The following TUBB2A variants were observed in gnomAD, a reference collection of about 807,000 sequenced individuals.
TUBB2A encodes the protein tubulin beta 2A class IIa.
Under a neutral mutation model 33.9 loss-of-function variants are expected in TUBB2A, and 7 were observed. The observed-to-expected ratio is 0.21, with a 90% confidence interval of 0.12 to 0.39. The LOEUF is 0.39. Among genes scored for constraint, TUBB2A ranks in the 10% least tolerant of loss-of-function variants. The probability of loss-of-function intolerance (pLI) is 1.00; values close to 1 mark genes in which losing one functional copy is unlikely to be tolerated. For synonymous variants in TUBB2A, 187 were observed against 247.6 expected (o/e 0.76, Z 2.30); for missense variants, 80 against 593.4 (o/e 0.13, Z 8.99).
chr6:3,154,230 T>C lies in TUBB2A; in HGVS notation c.971A>G (p.Lys324Arg). The change falls in exon 4 of 4, where the codon AAG becomes AGG. Residue 324 changes from lysine to arginine, a missense_variant. Coordinates refer to ENST00000333628, the MANE Select transcript of TUBB2A (RefSeq NM_001069.3). Reference protein sequence around the residue: ...AAIFRGRMSMKEVDEQMLNVQ... With the variant: ...AAIFRGRMSMREVDEQMLNVQ... ...GTTGAGCATCTGCTCGTCCACCTCC[T>C]TCATGGACATGCGGCCCCGGAAGAT... The C allele has an allele frequency of 1.4e-6, 1 of 724,424 alleles. No individual in the cohort carries two copies. The allele number at this position is 724,424 out of a possible 1,614,324, so 44.9% of individuals were successfully genotyped here.
Position 3,155,569 on chromosome 6 carries a change from G to A in TUBB2A, c.277+56C>T. On this transcript the variant is annotated intron_variant, in intron 3 of 3. Coordinates refer to ENST00000333628, the MANE Select transcript of TUBB2A (RefSeq NM_001069.3). This position sits in a 1 kb window ranked among gnomAD's most constrained non-coding sequence, Gnocchi z 4.2. ...AACACTAAGAACTGTGCTTTGCAGGGCTGTTAGGAAGAAGGTGTGTCATTT... is the reference window on the plus strand; with the variant it reads ...AACACTAAGAACTGTGCTTTGCAGGACTGTTAGGAAGAAGGTGTGTCATTT... 3.6e-6 allele frequency: 5 copies of A among 1,372,588 alleles called. No individual in the cohort carries two copies. The highest frequency in any genetic ancestry group is 1.2e-5 in the South Asian group (1 of 81,358). The allele number at this position is 1,372,588 out of a possible 1,614,324, so 85.0% of individuals were successfully genotyped here.
rs1329434515 is a variant in TUBB2A, at chr6:3,154,305, A to G, written c.896T>C (p.Met299Thr). Reference sequence around the variant, plus strand: ...GTGGCGCGGGTCGCAGGCGGCCATCATGTTCTTGGAGTCGAACATCTGCTG... The same window carrying G: ...GTGGCGCGGGTCGCAGGCGGCCATCGTGTTCTTGGAGTCGAACATCTGCTG... ...LTQQMFDSKN[M>T]MAACDPRHGR... is the part of the protein sequence containing the mutation. The change falls in exon 4 of 4, where the codon ATG becomes ACG. Residue 299 changes from methionine to threonine, a missense_variant. This residue lies in a region of TUBB2A where 25 missense variants were observed against 350.5 expected (regional missense o/e 0.07). Transcript: ENST00000333628. 1.1e-6 allele frequency: 1 copy of G among 920,428 alleles called. No homozygotes were observed. The allele number at this position is 920,428 out of a possible 1,614,324, so 57.0% of individuals were successfully genotyped here.
At chr6:3,156,192 G>T (rs1158666511) in intron 1 of TUBB2A, 40 bp from the exon 2 acceptor site, 18 of 1,613,352 alleles carry the variant, frequency 1.1e-5, no homozygotes, top group Non-Finnish European at 1.5e-5. Flanking sequence ...TCTGCATCCT[G>T]AATGTCACTA....
intron 1 of TUBB2A, 139 bp downstream of exon 1, chr6:3,157,268 T>A (rs952539361): frequency 5.8e-6 from 6 of 1,038,236 alleles, no homozygotes; most frequent in Non-Finnish European, 7.3e-6. Context: ...TCATGCAGCC[T>A]CCCGGACCCC....
chr6:3,157,167 C>T (rs769834769), intron 1 of TUBB2A, among the ~76,000 whole-genome samples: 13 of 152,260 alleles, frequency 8.5e-5, no homozygotes, highest in Non-Finnish European at 1.2e-4. Context: ...GAATGCCAAC[C>T]GCGTCCCGCA....
chr6:3,157,095 A>C (rs1762649809), intron 1 of TUBB2A, among the ~76,000 whole-genome samples: 1 of 152,254 alleles, frequency 6.6e-6, no homozygotes, highest in Non-Finnish European at 1.5e-5. Context: ...ATTCACATGA[A>C]GCTAGCGCAA....
rs1762586276 is a variant in TUBB2A at position 3,153,799 on chromosome 6, T to C, written c.*64A>G. ...AAAACTGAGCACCATAGTTTACAAG[T>C]AGAAAGACCATGCTTGAGGACAACA... is the stretch of plus-strand genomic sequence containing the variant. On this transcript the variant is annotated 3_prime_UTR_variant, in exon 4 of 4. Transcript: ENST00000333628. The C allele has an allele frequency of 6.2e-7, 1 of 1,602,104 alleles. No homozygotes were observed. The highest frequency in any genetic ancestry group is 8.5e-7 in the Non-Finnish European group (1 of 1,171,656).
chr6:3,156,243 C>T (rs1278985780), intron 1 of TUBB2A, 91 bp from the exon 2 acceptor site: 1 of 1,381,824 alleles, frequency 7.2e-7, no homozygotes, highest in African/African-American at 1.4e-5. Flanking sequence ...GGAACAGGGG[C>T]TTTTGTGGTC....
chr6:3,153,927 T>C lies in TUBB2A; in HGVS notation c.1274A>G (p.Tyr425Cys). 6.3e-7 allele frequency: 1 copy of C among 1,578,688 alleles called. No homozygotes were observed. The highest frequency in any genetic ancestry group is 2.2e-5 in the East Asian group (1 of 44,772). ...TTGTTCGTCGGCCGTGGCGTCCTGG[T>C]ACTGCTGGTACTCGGACACCAGGTC... is the stretch of plus-strand genomic sequence containing the variant. ...MNDLVSEYQQ[Y>C]QDATADEQGE... The change falls in exon 4 of 4, where the codon TAC becomes TGC. Residue 425 changes from tyrosine to cysteine, a missense_variant. Tyr to Cys is a radical substitution (Grantham distance 194, BLOSUM62 -2). Coordinates refer to ENST00000333628, the MANE Select transcript of TUBB2A (RefSeq NM_001069.3).
Position 3,153,872 on chromosome 6 carries a change from G to A in TUBB2A, c.1329C>T (p.Asp443=), listed in dbSNP as rs758531793. 4.3e-6 allele frequency: 7 copies of A among 1,614,072 alleles called. No individual in the cohort carries two copies. The East Asian group carries it at 1.6e-4, about 36-fold the overall frequency. The change falls in exon 4 of 4, where the codon GAC becomes GAT. Residue 443 remains aspartate (D), a synonymous_variant. Coordinates refer to ENST00000333628, the MANE Select transcript of TUBB2A (RefSeq NM_001069.3). The part of the protein sequence containing the change: ...QGEFEEEEGE[D]EA ...TTGATCTGAGAAGTTTTTAAGCCTC[G>A]TCCTCGCCCTCCTCCTCCTCGAACT...
In TUBB2A at chr6:3,157,526, C is replaced by G; in HGVS notation, c.-63G>C. The G allele has an allele frequency of 2.1e-6, 3 of 1,415,996 alleles. No homozygotes were observed. Among genetic ancestry groups the G allele is most frequent in the Non-Finnish European group, 2.8e-6 (3 of 1,088,848 alleles). The allele number at this position is 1,415,996 out of a possible 1,614,324, so 87.7% of individuals were successfully genotyped here. A position where few individuals can be genotyped will look rare whatever the true frequency, so the allele number is the denominator to read the frequency against. Reference sequence around the variant, plus strand: ...GCGGTGCGCGGCGTGGACCGGCGGGCTGGGCTGCGCAGAGACCTGCCGCCG... The same window carrying G: ...GCGGTGCGCGGCGTGGACCGGCGGGGTGGGCTGCGCAGAGACCTGCCGCCG... On this transcript the variant is annotated 5_prime_UTR_variant, in exon 1 of 4. Transcript: ENST00000333628.
In TUBB2A at chr6:3,153,871, C is replaced by G. The variant is rs202207883; in HGVS notation, c.1330G>C (p.Glu444Gln). The G allele has an allele frequency of 6.2e-7, 1 of 1,614,116 alleles. No individual in the cohort carries two copies. The highest frequency in any genetic ancestry group is 2.2e-5 in the East Asian group (1 of 44,870). ...ATTGATCTGAGAAGTTTTTAAGCCT[C>G]GTCCTCGCCCTCCTCCTCCTCGAAC... is the stretch of plus-strand genomic sequence containing the variant. ...GEFEEEEGED[E>Q]A The change falls in exon 4 of 4, where the codon GAG (glutamate) becomes CAG (glutamine). Residue 444 changes from glutamate to glutamine, a missense_variant. This residue lies in a region of TUBB2A where 15 missense variants were observed against 23.2 expected (regional missense o/e 0.65). Coordinates refer to ENST00000333628, the MANE Select transcript of TUBB2A (RefSeq NM_001069.3).
Position 3,155,861 on chromosome 6 carries a change from G to A in TUBB2A, c.167-126C>T, listed in dbSNP as rs960142572. On this transcript the variant is annotated intron_variant, in intron 2 of 3. Transcript: ENST00000333628. The surrounding 1 kb of genome is among the most constrained non-coding windows in gnomAD (Gnocchi z 4.2). ...GCTTTTAAGAAAAAGGAGGTCCTGA[G>A]TGTGCTTAGCCGTGGCAAACAGGCA... The A allele has an allele frequency of 7.4e-7, 1 of 1,347,404 alleles. No homozygotes were observed. The highest frequency in any genetic ancestry group is 1.0e-6 in the Non-Finnish European group (1 of 987,118). The allele number at this position is 1,347,404 out of a possible 1,614,324, so 83.5% of individuals were successfully genotyped here. A position where few individuals can be genotyped will look rare whatever the true frequency, so the allele number is the denominator to read the frequency against.
rs142755966 is a variant in TUBB2A, at chr6:3,154,688, G to A, written c.513C>T (p.Pro171=). The change falls in exon 4 of 4, where the codon CCC becomes CCT. Residue 171 remains proline (P), a synonymous_variant. Transcript: ENST00000333628. ...CCACCGTGTCTGACACCTTGGGTGA[G>A]GGCATGACGCTGAAGGTGTTCATGA... The part of the protein sequence containing the change: ...DRIMNTFSVM[P]SPKVSDTVVE... 41 of 1,613,072 alleles carry A rather than the reference G, an allele frequency of 2.5e-5. No individual in the cohort carries two copies. In the African/African-American group the frequency reaches 4.3e-4, roughly 17 times the overall value.
At position 3,155,877 on chromosome 6, in the gene TUBB2A, C is replaced by A; in HGVS notation, c.167-142G>T. 1 of 1,401,148 alleles carries A rather than the reference C, an allele frequency of 7.1e-7. No homozygotes were observed. Among genetic ancestry groups the A allele is most frequent in the Non-Finnish European group, 9.6e-7 (1 of 1,039,490 alleles). The allele number at this position is 1,401,148 out of a possible 1,614,324, so 86.8% of individuals were successfully genotyped here. A position where few individuals can be genotyped will look rare whatever the true frequency, so the allele number is the denominator to read the frequency against. The stretch of plus-strand genomic sequence containing the variant: ...AGGTCCTGAGTGTGCTTAGCCGTGG[C>A]AAACAGGCAGGAATCTTAGGAAACC... On this transcript the variant is annotated intron_variant, in intron 2 of 3. Coordinates refer to ENST00000333628, the MANE Select transcript of TUBB2A (RefSeq NM_001069.3). This position sits in a 1 kb window ranked among gnomAD's most constrained non-coding sequence, Gnocchi z 4.2.
rs755820888 is a variant in TUBB2A at position 3,155,763 on chromosome 6, C to G, written c.167-28G>C. 30 of 1,580,728 alleles carry G rather than the reference C, an allele frequency of 1.9e-5. No homozygotes were observed. Among genetic ancestry groups the G allele is most frequent in the Non-Finnish European group, 2.6e-5 (30 of 1,151,420 alleles). ...GCAGGAAATAAGAACTGACTCAGGC[C>G]TGTGCTTGGGGAGGGACTCACAGCA... On this transcript the variant is annotated intron_variant, in intron 2 of 3. Transcript: ENST00000333628. This position sits in a 1 kb window ranked among gnomAD's most constrained non-coding sequence, Gnocchi z 4.2.
In TUBB2A at chr6:3,157,529, G is replaced by T; in HGVS notation, c.-66C>A. The T allele has an allele frequency of 2.1e-6, 3 of 1,411,020 alleles. No individual in the cohort carries two copies. Among genetic ancestry groups the T allele is most frequent in the Non-Finnish European group, 2.8e-6 (3 of 1,086,440 alleles). The allele number at this position is 1,411,020 out of a possible 1,614,324, so 87.4% of individuals were successfully genotyped here. On this transcript the variant is annotated 5_prime_UTR_variant, in exon 1 of 4. Coordinates refer to ENST00000333628, the MANE Select transcript of TUBB2A (RefSeq NM_001069.3). ...GTGCGCGGCGTGGACCGGCGGGCTGGGCTGCGCAGAGACCTGCCGCCGCCC... is the reference window on the plus strand; with the variant it reads ...GTGCGCGGCGTGGACCGGCGGGCTGTGCTGCGCAGAGACCTGCCGCCGCCC...
At chr6:3,156,357 T>A (rs1245736381) in intron 1 of TUBB2A, among the ~76,000 whole-genome samples, 1 of 152,306 alleles carries the variant, frequency 6.6e-6, no homozygotes, top group Non-Finnish European at 1.5e-5. Context: ...TCGGCCATAT[T>A]ATGGGGATAG....
chr6:3,155,892 C>A lies in TUBB2A; in HGVS notation c.166+152G>T. 6.9e-7 allele frequency: 1 copy of A among 1,448,880 alleles called. No individual in the cohort carries two copies. Among genetic ancestry groups the A allele is most frequent in the Middle Eastern group, 2.0e-4 (1 of 4,962 alleles). 89.8% of individuals were successfully genotyped at this position (1,448,880 alleles called of 1,614,324 possible). A position where few individuals can be genotyped will look rare whatever the true frequency, so the allele number is the denominator to read the frequency against. On this transcript the variant is annotated intron_variant, in intron 2 of 3. Coordinates refer to ENST00000333628, the MANE Select transcript of TUBB2A (RefSeq NM_001069.3). This position sits in a 1 kb window ranked among gnomAD's most constrained non-coding sequence, Gnocchi z 4.2. Reference sequence around the variant, plus strand: ...TTAGCCGTGGCAAACAGGCAGGAATCTTAGGAAACCATAAAACATGTTTTT... The same window carrying A: ...TTAGCCGTGGCAAACAGGCAGGAATATTAGGAAACCATAAAACATGTTTTT...
Sources: allele counts gnomAD v4.1 joint callset (sites outside exome capture counted in the v4.1 genomes callset), GRCh38; gene constraint gnomAD v4.1.1; regional missense constraint gnomAD v4.1.1; non-coding constraint Gnocchi (gnomAD v3.1); transcripts MANE v1.5; gene names NCBI Gene and HGNC (gene_info 2026-07-23, HGNC 2026-07-21).